The following SEMA3A variants were observed in gnomAD, a reference collection of about 807,000 sequenced individuals.
SEMA3A encodes the protein semaphorin-3A.
In SEMA3A, 29 loss-of-function variants were observed where a neutral mutation model predicts 97.9. That is an observed-to-expected ratio of 0.30 (90% CI 0.22 to 0.40). The LOEUF is 0.40. Ranked by LOEUF, SEMA3A falls within the 10% of genes least tolerant of loss-of-function variation. The pLI is 1.00. For missense variants in SEMA3A, 763 were observed against 951.3 expected, an observed-to-expected ratio of 0.80 and a Z score of 2.60; for synonymous variants, 321 against 323.7, an observed-to-expected ratio of 0.99 and a Z score of 0.09.
intron 1 of SEMA3A, among the ~76,000 whole-genome samples, chr7:84,472,151 G>T (rs1424137226): frequency 6.6e-6 from 1 of 152,042 alleles, no homozygotes; most frequent in Non-Finnish European, 1.5e-5. Flanking sequence ...GTGAGTGTAT[G>T]TGATTACATG....
At chr7:84,323,309 A>G (rs898982490) in intron 2 of SEMA3A, among the ~76,000 whole-genome samples, 8 of 152,184 alleles carry the variant, frequency 5.3e-5, no homozygotes, top group Non-Finnish European at 1.2e-4. Flanking sequence ...GATGCAATTC[A>G]CTGTGGTAGG....
chr7:84,152,710 TA>T lies in SEMA3A; in HGVS notation c.113-17760del, dbSNP rs376166376. Among the ~76,000 whole-genome samples the T allele has an allele frequency of 1.0e-3, 152 of 151,784 alleles. No homozygotes were observed. In the East Asian group the frequency reaches 0.027, roughly 27 times the overall value. On this transcript the variant is annotated intron_variant, in intron 1 of 16. Transcript: ENST00000265362. ...AGTATAATAATAAAAAATAAATAAA[TA>T]AAAAAGAAGAAGCTGAGATTATGTA...
At chr7:84,321,902 A>AAAAAAAAAAAAAG in intron 2 of SEMA3A, among the ~76,000 whole-genome samples, 1 of 143,960 alleles carries the variant, frequency 6.9e-6, no homozygotes, top group African/African-American at 2.6e-5. Context: ...AAAAAAAAGA[A>AAAAAAAAAAAAAG]GAAGAAGAAG....
At chr7:84,236,900 T>A (rs1799249045) in intron 3 of SEMA3A, among the ~76,000 whole-genome samples, 1 of 151,934 alleles carries the variant, frequency 6.6e-6, no homozygotes, top group Admixed American at 6.6e-5. Flanking sequence ...AAAGCAGAGG[T>A]CTTAAAAAGG....
intron 3 of SEMA3A, among the ~76,000 whole-genome samples, chr7:84,273,768 GC>G (rs1800215381): frequency 6.6e-6 from 1 of 151,960 alleles, no homozygotes; most frequent in African/African-American, 2.4e-5. Context: ...ATTTTTGTAG[GC>G]TCTTTGTCCT....
intron 3 of SEMA3A, among the ~76,000 whole-genome samples, chr7:84,285,601 AT>A (rs1800560957): frequency 6.6e-6 from 1 of 152,138 alleles, no homozygotes; most frequent in African/African-American, 2.4e-5. Flanking sequence ...TCAGAGTTTC[AT>A]TTAATGCTTT....
intron 3 of SEMA3A, among the ~76,000 whole-genome samples, chr7:84,264,977 T>C (rs1562877916): frequency 6.6e-6 from 1 of 152,148 alleles, no homozygotes; most frequent in East Asian, 1.9e-4. Flanking sequence ...AGTCTGCTTA[T>C]CCATTTCCCT....
At chr7:84,248,869 G>A (rs1332848096) in intron 3 of SEMA3A, among the ~76,000 whole-genome samples, 6 of 152,046 alleles carry the variant, frequency 3.9e-5, no homozygotes. Flanking sequence ...GGGAGTGTGA[G>A]GCTTCAAGGA....
At chr7:84,448,914 C>T (rs970804780) in intron 1 of SEMA3A, among the ~76,000 whole-genome samples, 1 of 151,998 alleles carries the variant, frequency 6.6e-6, no homozygotes, top group Admixed American at 6.6e-5. Flanking sequence ...TACAAAACTA[C>T]AATAACCACA....
intron 3 of SEMA3A, among the ~76,000 whole-genome samples, chr7:84,235,385 G>T (rs1799212492): frequency 6.6e-6 from 1 of 151,860 alleles, no homozygotes; most frequent in South Asian, 2.1e-4. Flanking sequence ...ATAATTGTAT[G>T]TATTTTGTAG....
chr7:84,419,529 C>CAAA (rs35358909), intron 1 of SEMA3A, among the ~76,000 whole-genome samples: 17 of 132,598 alleles, frequency 1.3e-4, no homozygotes, highest in African/African-American at 4.2e-4. Flanking sequence ...TGCATGAGAC[C>CAAA]AAAAAAAAAA....
chr7:84,417,208 A>G (rs1450807767), intron 1 of SEMA3A, among the ~76,000 whole-genome samples: 1 of 152,074 alleles, frequency 6.6e-6, no homozygotes, highest in African/African-American at 2.4e-5. Context: ...AAATTATTTC[A>G]GATATTCTGT....
At chr7:84,343,768 G>C (rs183975404) in intron 2 of SEMA3A, among the ~76,000 whole-genome samples, 1 of 152,130 alleles carries the variant, frequency 6.6e-6, no homozygotes, top group East Asian at 1.9e-4. Flanking sequence ...GGAAGGCCGA[G>C]GGGAGAGGAG....
rs369021190 is a variant in SEMA3A at position 84,242,977 on chromosome 7, C to T, written c.-82-48309G>A. ...TGTTTATTGATTTGTGTATGTTGAA[C>T]CAGGCTTGCATCCCAGGGATGAAGC... On this transcript the variant is annotated intron_variant, in intron 3 of 3. Transcript: ENST00000424555. Among the ~76,000 whole-genome samples the T allele has an allele frequency of 6.6e-5, 10 of 152,086 alleles. No individual in the cohort carries two copies. In the East Asian group the frequency reaches 1.2e-3, roughly 18 times the overall value.
At chr7:84,150,579 C>T (rs532976005) in intron 1 of SEMA3A, among the ~76,000 whole-genome samples, 10 of 152,272 alleles carry the variant, frequency 6.6e-5, no homozygotes, top group South Asian at 4.1e-4. Flanking sequence ...GCACCTGGCT[C>T]AGAGGGTCCT....
chr7:84,429,516 T>TTATATATATATA (rs10523978), intron 1 of SEMA3A, among the ~76,000 whole-genome samples: 1,419 of 72,154 alleles, frequency 0.02, 51 homozygotes, highest in African/African-American at 0.028. Flanking sequence ...ATAGAGTTTG[T>TTATATATATATA]TATATATATA....
chr7:84,251,113 G>A (rs1799597262), intron 3 of SEMA3A, among the ~76,000 whole-genome samples: 1 of 152,112 alleles, frequency 6.6e-6, no homozygotes, highest in Non-Finnish European at 1.5e-5. Context: ...TGCCATTTAT[G>A]TAACAAAAGA....
intron 2 of SEMA3A, among the ~76,000 whole-genome samples, chr7:84,336,170 T>C (rs994194303): frequency 6.6e-6 from 1 of 152,176 alleles, no homozygotes; most frequent in Non-Finnish European, 1.5e-5. Flanking sequence ...TTACAATGAC[T>C]ATAGAAACAA....
intron 3 of SEMA3A, among the ~76,000 whole-genome samples, chr7:84,249,687 T>C (rs537326952): frequency 9.2e-5 from 14 of 152,048 alleles, no homozygotes; most frequent in African/African-American, 3.4e-4. Flanking sequence ...TCATGTAATA[T>C]GTGGAATTAG....
Sources: gnomAD v4.1 joint callset for allele counts (sites outside exome capture counted in the v4.1 genomes callset) on GRCh38, gnomAD v4.1.1 for gene constraint, MANE v1.5 for transcripts, NCBI Gene and HGNC (gene_info 2026-07-23, HGNC 2026-07-21) for gene names.